Variants in SEC31A observed in about 807,000 individuals in gnomAD.
SEC31A encodes the protein SEC31 homolog A, COPII component.
Under a neutral mutation model 151.0 loss-of-function variants are expected in SEC31A, and 70 were observed. The observed-to-expected ratio is 0.46, with a 90% CI of 0.38 to 0.57. The LOEUF (loss-of-function observed/expected upper bound fraction) is 0.57, where lower values mean the gene tolerates loss of function less well. SEC31A is among the 20% of genes least tolerant of loss of function. The probability of loss-of-function intolerance (pLI) is 0.00; values close to 1 mark genes in which losing one functional copy is unlikely to be tolerated. For missense variants in SEC31A, 1,330 were observed against 1,471.2 expected (o/e 0.90, Z 1.57); for synonymous variants, 475 against 505.9 (o/e 0.94, Z 0.82).
chr4:82,857,177 C>T (rs1178941025), intron 15 of SEC31A, 47 bp from the exon 16 acceptor site: 2 of 1,527,750 alleles, frequency 1.3e-6, no homozygotes, highest in East Asian at 4.6e-5. Context: ...GTTTTTGTTA[C>T]CAAAACCAAC....
At chr4:82,864,812 G>T (rs1289305059) in intron 10 of SEC31A, among the ~76,000 whole-genome samples, 1 of 150,874 alleles carries the variant, frequency 6.6e-6, no homozygotes, top group East Asian at 1.9e-4. Flanking sequence ...TTCGCTCTTA[G>T]TCACCCAGGC....
chr4:82,848,349 C>T (rs1730685210), intron 20 of SEC31A, among the ~76,000 whole-genome samples: 2 of 148,704 alleles, frequency 1.3e-5, no homozygotes, highest in Non-Finnish European at 1.5e-5. Context: ...GGATACACTT[C>T]ATATTGTGCA....
chr4:82,892,428 T>TG (rs2125999845), upstream of SEC31A, among the ~76,000 whole-genome samples: 1 of 152,394 alleles, frequency 6.6e-6, no homozygotes, highest in Non-Finnish European at 1.5e-5. Context: ...TACAGCTTCA[T>TG]GCAGGTCTGG....
In SEC31A at chr4:82,853,728, G is replaced by A. The variant is rs765424395; in HGVS notation, c.2009-13C>T. 9 of 1,593,986 alleles carry A rather than the reference G, an allele frequency of 5.6e-6. No homozygotes were observed. In the East Asian group the frequency reaches 1.8e-4, roughly 32 times the overall value. Reference sequence around the variant, plus strand: ...GTTCCCAAAAGATCTGTAAGTAAGAGGAAAATAAAATAAGATTATACCCAA... The same window carrying A: ...GTTCCCAAAAGATCTGTAAGTAAGAAGAAAATAAAATAAGATTATACCCAA... On this transcript the variant is annotated splice_polypyrimidine_tract_variant and intron_variant, in intron 17 of 26. Coordinates refer to ENST00000395310, the MANE Select transcript of SEC31A (RefSeq NM_001077207.4).
upstream of SEC31A, chr4:82,894,698 A>C (rs897734383): frequency 3.3e-5 from 5 of 152,204 alleles, no homozygotes; most frequent in African/African-American, 1.2e-4. Flanking sequence ...AACTTTTCAT[A>C]AAGCATCAAT....
chr4:82,830,971 G>C (rs1038960616), intron 22 of SEC31A: 1 of 1,203,028 alleles, frequency 8.3e-7, no homozygotes, highest in Non-Finnish European at 1.1e-6. Flanking sequence ...GGATAGACTG[G>C]TTTTCTGTAG....
rs148669950 is a variant in SEC31A, at chr4:82,826,377, G to A, written c.3291+992C>T. ...CTCTTTTTGTTGTTGTTGTTGAGAC[G>A]GAGTCTCGCTCTGTCGTCCAGGCTG... On this transcript the variant is annotated intron_variant, in intron 24 of 26. Coordinates refer to ENST00000395310, the MANE Select transcript of SEC31A (RefSeq NM_001077207.4). Among the ~76,000 whole-genome samples the A allele has an allele frequency of 1.7e-3, 253 of 152,212 alleles. 3 individuals are homozygous for A. In the East Asian group the frequency reaches 0.02, roughly 12 times the overall value.
intron 22 of SEC31A, among the ~76,000 whole-genome samples, chr4:82,830,189 C>T (rs1404747898): frequency 6.6e-6 from 1 of 152,174 alleles, no homozygotes; most frequent in Non-Finnish European, 1.5e-5. Flanking sequence ...TCAGGCGAGG[C>T]GCAGTGGCTC....
chr4:82,891,165 T>G (rs1220463452), upstream of SEC31A: 6 of 1,535,292 alleles, frequency 3.9e-6, no homozygotes, highest in Non-Finnish European at 5.2e-6. Flanking sequence ...CCGCCGCCCC[T>G]CCTCCCCGGC....
chr4:82,841,467 T>TATAC (rs1339344582), intron 22 of SEC31A, among the ~76,000 whole-genome samples: 76 of 103,590 alleles, frequency 7.3e-4, no homozygotes, highest in African/African-American at 1.3e-3. Flanking sequence ...TATATATATA[T>TATAC]ACACACACAC....
intron 22 of SEC31A, among the ~76,000 whole-genome samples, chr4:82,836,266 G>A (rs929036817): frequency 6.6e-6 from 1 of 151,682 alleles, no homozygotes; most frequent in Non-Finnish European, 1.5e-5. Context: ...CCAGCTACTT[G>A]GGAGGGTGAG....
At chr4:82,858,913 G>A (rs900292060) in intron 14 of SEC31A, among the ~76,000 whole-genome samples, 4 of 151,994 alleles carry the variant, frequency 2.6e-5, no homozygotes, top group Non-Finnish European at 4.4e-5. Flanking sequence ...GTGTTAGCCA[G>A]GATGGTCTCG....
chr4:82,823,196 A>G (rs893658031), intron 25 of SEC31A, among the ~76,000 whole-genome samples: 1 of 152,212 alleles, frequency 6.6e-6, no homozygotes, highest in Non-Finnish European at 1.5e-5. Context: ...TTAACAAAAA[A>G]TGTATTGAGT....
intron 21 of SEC31A, chr4:82,843,615 A>G (rs1007318812): frequency 6.6e-6 from 1 of 152,212 alleles, no homozygotes; most frequent in African/African-American, 2.4e-5. Context: ...TATGTTGAAC[A>G]ATAACATTCA....
chr4:82,827,665 G>T (rs1255721726), intron 23 of SEC31A, 33 bp from the exon 24 acceptor site: 1 of 1,600,906 alleles, frequency 6.2e-7, no homozygotes, highest in Non-Finnish European at 8.5e-7. Flanking sequence ...GACACCAGGA[G>T]TAAGAATAAA....
intron 16 of SEC31A, among the ~76,000 whole-genome samples, chr4:82,856,745 C>T (rs370464536): frequency 4.6e-5 from 7 of 151,954 alleles, no homozygotes; most frequent in East Asian, 3.9e-4. Context: ...AGCAAGACCC[C>T]GTCTTTAAAA....
intron 20 of SEC31A, among the ~76,000 whole-genome samples, chr4:82,846,366 C>CATAATAAA (rs1553928465): frequency 7.1e-6 from 1 of 140,538 alleles, no homozygotes; most frequent in South Asian, 2.3e-4. Context: ...AACTCCAAAA[C>CATAATAAA]ATAATAATAA....
intron 1 of SEC31A, among the ~76,000 whole-genome samples, chr4:82,882,621 A>T (rs755565730): frequency 5.9e-5 from 9 of 152,164 alleles, no homozygotes; most frequent in Non-Finnish European, 8.8e-5. Context: ...AAGAGCAGCC[A>T]AAAAATAAAT....
At chr4:82,853,000 C>T (rs756251209) in intron 18 of SEC31A, among the ~76,000 whole-genome samples, 4 of 152,306 alleles carry the variant, frequency 2.6e-5, no homozygotes, top group Non-Finnish European at 5.9e-5. Context: ...TCTAATGCCA[C>T]CACTGATGTG....
Sources: gnomAD v4.1 joint callset for allele counts (sites outside exome capture counted in the v4.1 genomes callset) on GRCh38, gnomAD v4.1.1 for gene constraint, MANE v1.5 for transcripts, NCBI Gene and HGNC (gene_info 2026-07-23, HGNC 2026-07-21) for gene names.